AXDND1: variants seen among roughly 807,000 people sequenced by gnomAD.
The protein encoded by AXDND1 is axonemal dynein light chain domain containing 1.
Under a neutral mutation model 137.5 loss-of-function variants are expected in AXDND1, and 110 were observed. The ratio of observed to expected loss-of-function variants is 0.80; its 90% CI spans 0.69 to 0.94. The LOEUF (loss-of-function observed/expected upper bound fraction) is 0.94. Among genes scored for constraint, AXDND1 ranks in the 40% least tolerant of loss-of-function variants. AXDND1 has a pLI of 0.00. For missense variants in AXDND1, 1,191 were observed against 1,169.8 expected (o/e 1.02, Z -0.26); for synonymous variants, 414 against 399.7 (o/e 1.04, Z -0.43).
intron 2 of AXDND1, among the ~76,000 whole-genome samples, chr1:179,367,581 A>G (rs1485730953): frequency 2.0e-5 from 3 of 150,934 alleles, no homozygotes; most frequent in African/African-American, 7.3e-5. Flanking sequence ...TACTAAAAAT[A>G]CAAAATTTAG....
intron 12 of AXDND1, among the ~76,000 whole-genome samples, chr1:179,421,050 T>G (rs1050413384): frequency 1.0e-5 from 1 of 98,510 alleles, no homozygotes; most frequent in Non-Finnish European, 2.2e-5. Flanking sequence ...CCTTCCTTCC[T>G]TCCTTCCTTC....
chr1:179,440,744 A>G (rs770342459), intron 15 of AXDND1, among the ~76,000 whole-genome samples: 1 of 152,250 alleles, frequency 6.6e-6, no homozygotes, highest in Non-Finnish European at 1.5e-5. Flanking sequence ...AAGCTGCACG[A>G]GAGCGAATAA....
chr1:179,551,094 A>AT, intron 25 of AXDND1: 3 of 1,574,510 alleles, frequency 1.9e-6, no homozygotes, highest in Admixed American at 1.7e-5. Flanking sequence ...AGGGCAGGGA[A>AT]TGAGGACAGA....
chr1:179,381,744 A>G (rs1480033005), intron 6 of AXDND1, among the ~76,000 whole-genome samples: 1 of 151,930 alleles, frequency 6.6e-6, no homozygotes, highest in Admixed American at 6.6e-5. Flanking sequence ...ATGGATTTCT[A>G]TTTTATTTGA....
Position 179,432,198 on chromosome 1 carries a change from T to G in AXDND1, c.1488-69T>G, listed in dbSNP as rs1657471617. On this transcript the variant is annotated intron_variant, in intron 14 of 25. Coordinates refer to ENST00000367618, the MANE Select transcript of AXDND1 (RefSeq NM_144696.6). ...AATATGTTAGTTGTTTAGTCTTTAGTGTGTGAACTGATGATCTTGTTTATG... is the reference window on the plus strand; with the variant it reads ...AATATGTTAGTTGTTTAGTCTTTAGGGTGTGAACTGATGATCTTGTTTATG... 5 of 1,456,890 alleles carry G rather than the reference T, an allele frequency of 3.4e-6. No individual in the cohort carries two copies. The South Asian group carries it at 6.6e-5, about 19-fold the overall frequency. The allele number at this position is 1,456,890 out of a possible 1,614,324, so 90.2% of individuals were successfully genotyped here.
intron 23 of AXDND1, among the ~76,000 whole-genome samples, chr1:179,528,684 C>T (rs1209339224): frequency 4.1e-5 from 6 of 147,344 alleles, no homozygotes; most frequent in Non-Finnish European, 7.4e-5. Context: ...CTCTGCCTCC[C>T]GGGTTCAAGC....
intron 21 of AXDND1, among the ~76,000 whole-genome samples, chr1:179,520,471 G>A (rs1167904750): frequency 1.3e-5 from 2 of 151,878 alleles, no homozygotes; most frequent in African/African-American, 4.8e-5. Context: ...TTAGAGACAG[G>A]GTCTTGATGT....
chr1:179,521,788 C>G (rs1275080514), intron 21 of AXDND1, among the ~76,000 whole-genome samples: 5 of 132,610 alleles, frequency 3.8e-5, no homozygotes, highest in Non-Finnish European at 7.9e-5. Flanking sequence ...GCTGGGTATG[C>G]TATTGATTCT....
At chr1:179,411,402 T>A in intron 12 of AXDND1, 136 bp downstream of exon 12, 1 of 1,195,492 alleles carries the variant, frequency 8.4e-7, no homozygotes, top group East Asian at 2.8e-5. Context: ...TGGAATTCAG[T>A]GATGTGATCT....
Position 179,385,137 on chromosome 1 carries a change from A to G in AXDND1, c.742-101A>G, listed in dbSNP as rs191687362. The G allele has an allele frequency of 4.4e-5, 41 of 935,470 alleles. No individual in the cohort carries two copies. In the East Asian group the frequency reaches 1.1e-3, roughly 25 times the overall value. 57.9% of individuals were successfully genotyped at this position (935,470 alleles called of 1,614,324 possible). ...AAATGTAAGTGAAATAAATTAATCA[A>G]CGTGTTTCTAAAACTTATTTACATT... is the stretch of plus-strand genomic sequence containing the variant. On this transcript the variant is annotated intron_variant, in intron 8 of 25. Transcript: ENST00000367618.
chr1:179,431,366 T>G (rs1657346437), intron 14 of AXDND1, among the ~76,000 whole-genome samples: 1 of 152,108 alleles, frequency 6.6e-6, no homozygotes, highest in African/African-American at 2.4e-5. Context: ...GATCTCGAAC[T>G]CCTGGCCTTA....
intron 4 of AXDND1, among the ~76,000 whole-genome samples, chr1:179,377,536 G>C (rs1647476044): frequency 6.6e-6 from 1 of 152,078 alleles, no homozygotes; most frequent in African/African-American, 2.4e-5. Context: ...AGTATATTTG[G>C]CCTAGCTTAG....
intron 23 of AXDND1, among the ~76,000 whole-genome samples, 190 bp from the exon 24 acceptor site, chr1:179,533,605 C>A (rs557546010): frequency 2.8e-5 from 4 of 145,086 alleles, no homozygotes; most frequent in Non-Finnish European, 6.0e-5. Context: ...AGCTTCTATG[C>A]TATTTGACCA....
intron 16 of AXDND1, chr1:179,456,393 C>G: frequency 2.6e-6 from 2 of 783,954 alleles, no homozygotes; most frequent in Non-Finnish European, 4.6e-6. Flanking sequence ...GTTGTAATTG[C>G]CAAAATCATT....
At chr1:179,421,030 G>C (rs952431976) in intron 12 of AXDND1, among the ~76,000 whole-genome samples, 2 of 146,514 alleles carry the variant, frequency 1.4e-5, no homozygotes, top group Non-Finnish European at 3.0e-5. Flanking sequence ...ATTCTATTTG[G>C]GTATCCCTTC....
chr1:179,381,947 T>A (rs1456802747), intron 6 of AXDND1, among the ~76,000 whole-genome samples: 7 of 141,050 alleles, frequency 5.0e-5, no homozygotes, highest in Non-Finnish European at 1.1e-4. Flanking sequence ...CACCTAATTT[T>A]TTTTTTTTTT....
chr1:179,492,413 C>CAAAACTTCTTTGTAAAACTTTTGT (rs1281423994), intron 19 of AXDND1, among the ~76,000 whole-genome samples: 17 of 147,784 alleles, frequency 1.2e-4, no homozygotes, highest in African/African-American at 4.2e-4. Flanking sequence ...AAATGCCAAC[C>CAAAACTTCTTTGTAAAACTTTTGT]AAAACTTCTT....
intron 11 of AXDND1, among the ~76,000 whole-genome samples, chr1:179,400,921 A>G (rs1258310957): frequency 7.5e-5 from 10 of 132,698 alleles, no homozygotes; most frequent in South Asian, 2.3e-4. Context: ...AAAAAAAAAA[A>G]AAAAAAGAAA....
At chr1:179,471,336 G>A (rs1316549988) in intron 17 of AXDND1, among the ~76,000 whole-genome samples, 5 of 152,132 alleles carry the variant, frequency 3.3e-5, no homozygotes, top group African/African-American at 4.8e-5. Flanking sequence ...AGGATTCAGT[G>A]GTGCAGCCAT....
Sources: gnomAD v4.1 joint callset for allele counts (sites outside exome capture counted in the v4.1 genomes callset) on GRCh38, gnomAD v4.1.1 for gene constraint, MANE v1.5 for transcripts, NCBI Gene and HGNC (gene_info 2026-07-23, HGNC 2026-07-21) for gene names.